The following CSMD1 variants were observed in gnomAD, a reference collection of about 807,000 sequenced individuals.
The protein encoded by CSMD1 is CUB and sushi domain-containing protein 1.
A neutral mutation model predicts 417.5 loss-of-function variants in CSMD1; 213 were observed. That is an observed-to-expected ratio of 0.51 (90% confidence interval 0.46 to 0.57). CSMD1 has a LOEUF of 0.57. Ranked by LOEUF, CSMD1 falls within the 20% of genes least tolerant of loss-of-function variation. CSMD1 has a pLI of 0.00. For missense variants in CSMD1, 6,923 were observed against 4,529.7 expected, an observed-to-expected ratio of 1.53 and a Z score of -15.17; for synonymous variants, 2,862 against 1,736.8, an observed-to-expected ratio of 1.65 and a Z score of -16.11.
At chr8:3,935,734 G>A (rs1472197613) in intron 5 of CSMD1, among the ~76,000 whole-genome samples, 1 of 152,050 alleles carries the variant, frequency 6.6e-6, no homozygotes, top group Non-Finnish European at 1.5e-5. Context: ...CCTTCATTGG[G>A]CCTCGCTATT....
chr8:3,896,886 T>C (rs1807407316), intron 5 of CSMD1, among the ~76,000 whole-genome samples: 1 of 152,004 alleles, frequency 6.6e-6, no homozygotes, highest in Admixed American at 6.6e-5. Context: ...ATCACCTAAT[T>C]CTATTTGATG....
intron 3 of CSMD1, among the ~76,000 whole-genome samples, chr8:4,104,020 T>C (rs1314578110): frequency 6.6e-6 from 1 of 152,196 alleles, no homozygotes; most frequent in African/African-American, 2.4e-5. Context: ...CACAGGCCTG[T>C]CCCTGCCCCA....
At chr8:4,507,917 T>C (rs1802611850) in intron 2 of CSMD1, among the ~76,000 whole-genome samples, 1 of 152,058 alleles carries the variant, frequency 6.6e-6, no homozygotes, top group African/African-American at 2.4e-5. Flanking sequence ...TGGAATTATG[T>C]GAATAGGCAG....
At position 4,567,618 on chromosome 8, in the gene CSMD1, T is replaced by C. The variant is rs566549002; in HGVS notation, c.302+69724A>G. 3.3e-5 allele frequency among the ~76,000 whole-genome samples: 5 copies of C among 152,246 alleles called. No individual in the cohort carries two copies. The South Asian group carries it at 1.0e-3, about 32-fold the overall frequency. Reference sequence around the variant, plus strand: ...CCACAGAAAGAGTGCTCTGTGCAATTATTATGAGATGATGCTCCTCCTTTC... The same window carrying C: ...CCACAGAAAGAGTGCTCTGTGCAATCATTATGAGATGATGCTCCTCCTTTC... On this transcript the variant is annotated intron_variant, in intron 2 of 69. Transcript: ENST00000635120.
At chr8:4,169,680 T>C (rs989728330) in intron 3 of CSMD1, among the ~76,000 whole-genome samples, 1 of 152,162 alleles carries the variant, frequency 6.6e-6, no homozygotes, top group South Asian at 2.1e-4. Context: ...AGCACACTCC[T>C]GGATGGCTCC....
At chr8:4,806,562 G>C (rs532083657) in intron 1 of CSMD1, among the ~76,000 whole-genome samples, 24 of 152,300 alleles carry the variant, frequency 1.6e-4, no homozygotes, top group Admixed American at 1.6e-3. Context: ...AACAAAGAGA[G>C]AAATCTTGAC....
At chr8:3,721,835 G>A (rs571032563) in intron 6 of CSMD1, among the ~76,000 whole-genome samples, 35 of 152,208 alleles carry the variant, frequency 2.3e-4, no homozygotes, top group African/African-American at 8.2e-4. Context: ...ATTACAGGGA[G>A]TTTTCTGAGA....
At chr8:4,522,252 C>A (rs917380250) in intron 2 of CSMD1, among the ~76,000 whole-genome samples, 1 of 152,154 alleles carries the variant, frequency 6.6e-6, no homozygotes, top group African/African-American at 2.4e-5. Context: ...CTGCTGCCAT[C>A]CACATAAGAC....
chr8:4,214,876 A>G (rs919000404), intron 3 of CSMD1, among the ~76,000 whole-genome samples: 3 of 152,184 alleles, frequency 2.0e-5, no homozygotes, highest in Admixed American at 2.0e-4. Context: ...GTTTTTTTAA[A>G]AAAATGTATA....
intron 12 of CSMD1, among the ~76,000 whole-genome samples, chr8:3,461,260 G>A (rs1816482687): frequency 6.6e-6 from 1 of 152,236 alleles, no homozygotes; most frequent in Non-Finnish European, 1.5e-5. Flanking sequence ...TGGCATTCCT[G>A]CCACAGACTG....
intron 8 of CSMD1, among the ~76,000 whole-genome samples, chr8:3,594,275 C>G (rs1800991414): frequency 1.3e-5 from 2 of 152,072 alleles, no homozygotes; most frequent in Admixed American, 6.6e-5. Flanking sequence ...TCAAACAGCT[C>G]TTGGTCAATA....
intron 3 of CSMD1, among the ~76,000 whole-genome samples, chr8:4,124,662 T>G (rs1458239624): frequency 2.0e-5 from 3 of 152,182 alleles, no homozygotes; most frequent in Non-Finnish European, 4.4e-5. Flanking sequence ...AGGGACTAAG[T>G]GGCTAATCTG....
rs17079480 is a variant in CSMD1 at position 3,126,558 on chromosome 8, G to A, written c.6242-7971C>T. 7.6e-3 allele frequency among the ~76,000 whole-genome samples: 1,157 copies of A among 152,256 alleles called. 15 individuals carry two copies. The highest frequency in any genetic ancestry group is 0.026 in the African/African-American group (1,071 of 41,556). ...TCTCAGTAGCATGTCAGCCATGAAT[G>A]GTAGTCCACAGAATTTCCCAAGTGC... On this transcript the variant is annotated intron_variant, in intron 41 of 69. Transcript: ENST00000635120.
At chr8:3,425,897 A>C (rs535527848) in intron 12 of CSMD1, among the ~76,000 whole-genome samples, 58 of 152,176 alleles carry the variant, frequency 3.8e-4, no homozygotes, top group Non-Finnish European at 7.5e-4. Context: ...AGTGTCTACC[A>C]TCTCTAAAAG....
At chr8:4,768,754 A>G (rs561374574) in intron 1 of CSMD1, among the ~76,000 whole-genome samples, 2 of 152,298 alleles carry the variant, frequency 1.3e-5, no homozygotes, top group East Asian at 3.9e-4. Flanking sequence ...TAGTGATGCT[A>G]CTGGCTTGTT....
At chr8:4,781,261 C>T (rs951718610) in intron 1 of CSMD1, among the ~76,000 whole-genome samples, 3 of 152,212 alleles carry the variant, frequency 2.0e-5, no homozygotes, top group Non-Finnish European at 4.4e-5. Flanking sequence ...AGGGAATGCC[C>T]TCCTGCAGTG....
intron 2 of CSMD1, among the ~76,000 whole-genome samples, chr8:4,624,713 A>G (rs371717893): frequency 5.9e-5 from 9 of 152,088 alleles, no homozygotes; most frequent in African/African-American, 2.2e-4. Flanking sequence ...GTATTTTTCT[A>G]TGATCTGACA....
intron 14 of CSMD1, 90 bp downstream of exon 14, chr8:3,407,809 T>G (rs1258736936): frequency 8.9e-7 from 1 of 1,124,386 alleles, no homozygotes; most frequent in Non-Finnish European, 1.3e-6. Flanking sequence ...AGTATCAACC[T>G]TGAAATGCAA....
chr8:3,394,023 TATATATATATATATATATA>T (rs1811528964), intron 17 of CSMD1, among the ~76,000 whole-genome samples: 24 of 96,120 alleles, frequency 2.5e-4, no homozygotes, highest in Middle Eastern at 5.8e-3. Context: ...TATATATATA[TATATATATATATATATATA>T]TATATATATA....
Sources: gnomAD v4.1 joint callset for allele counts (sites outside exome capture counted in the v4.1 genomes callset) on GRCh38, gnomAD v4.1.1 for gene constraint, MANE v1.5 for transcripts, NCBI Gene and HGNC (gene_info 2026-07-23, HGNC 2026-07-21) for gene names.